Variants in ENOSF1 observed in about 807,000 individuals in gnomAD.
The protein encoded by ENOSF1 is enolase superfamily member 1.
Under a neutral mutation model 68.2 loss-of-function variants are expected in ENOSF1, and 73 were observed. The observed-to-expected ratio is 1.07, with a 90% confidence interval of 0.89 to 1.30. ENOSF1 has a LOEUF of 1.30. ENOSF1 is among the 50% of genes most tolerant of loss of function. The pLI is 0.00. For missense variants in ENOSF1, 589 were observed against 554.5 expected, an observed-to-expected ratio of 1.06 and a Z score of -0.62; for synonymous variants, 223 against 210.4, an observed-to-expected ratio of 1.06 and a Z score of -0.52.
chr18:691,890 T>C (rs2847332), intron 5 of ENOSF1: 53,656 of 150,474 alleles, frequency 0.36, 9,794 homozygotes, highest in Admixed American at 0.38. Flanking sequence ...AGGAGCTCAG[T>C]GGGGAGATGA....
chr18:693,489 A>G (rs1598695036), intron 5 of ENOSF1: 2 of 985,328 alleles, frequency 2.0e-6, no homozygotes. Context: ...TAATATCTTC[A>G]TAATATTATA....
At chr18:683,095 C>A (rs1192674754) in intron 11 of ENOSF1, 151 bp downstream of exon 11, 1 of 896,924 alleles carries the variant, frequency 1.1e-6, no homozygotes, top group Non-Finnish European at 1.7e-6. Context: ...GGTCTGTAAC[C>A]CCTGTATTTG....
rs138054160 is a variant in ENOSF1 at position 676,116 on chromosome 18, G to C, written c.1149-714C>G. Among the ~76,000 whole-genome samples, 59 of 152,356 alleles carry C rather than the reference G, an allele frequency of 3.9e-4. No individual in the cohort carries two copies. The East Asian group carries it at 5.0e-3, about 13-fold the overall frequency. ...ATACAAATGATTTAGATGAAGAGCA[G>C]AGGATTTAGAATCAGGTCAATCTGT... On this transcript the variant is annotated intron_variant, in intron 14 of 15. Coordinates refer to ENST00000647584, the MANE Select transcript of ENOSF1 (RefSeq NM_017512.7).
intron 1 of ENOSF1, chr18:712,215 G>A: frequency 1.4e-6 from 2 of 1,461,664 alleles, no homozygotes; most frequent in Non-Finnish European, 1.8e-6. Flanking sequence ...TTATACAATT[G>A]CTCCAAGGCA....
intron 1 of ENOSF1, among the ~76,000 whole-genome samples, chr18:710,978 G>A (rs900274267): frequency 1.3e-5 from 2 of 152,146 alleles, no homozygotes; most frequent in African/African-American, 2.4e-5. Context: ...AGATTTTAAA[G>A]AGGATGACAG....
chr18:690,936 GAA>G, intron 7 of ENOSF1, 130 bp downstream of exon 7: 1 of 1,224,368 alleles, frequency 8.2e-7, no homozygotes, highest in African/African-American at 1.5e-5. Context: ...ATGCAGACTT[GAA>G]TGTTGATTTG....
At position 673,193 on chromosome 18, in the gene ENOSF1, T is replaced by TGA; in HGVS notation, c.*1110_*1111dup. ...CAGTTCTTTCCATAATAAAAGGCTTTGAGTTAACTCACTGAGGGTATCTGA... is the reference window on the plus strand; with the variant it reads ...CAGTTCTTTCCATAATAAAAGGCTTTGAGAGTTAACTCACTGAGGGTATCTGA... On this transcript the variant is annotated 3_prime_UTR_variant, in exon 16 of 16. Transcript: ENST00000647584. The TGA allele has an allele frequency of 2.0e-6, 1 of 491,824 alleles. No individual in the cohort carries two copies. The highest frequency in any genetic ancestry group is 3.4e-6 in the Non-Finnish European group (1 of 292,426). The allele number at this position is 491,824 out of a possible 1,614,324, so 30.5% of individuals were successfully genotyped here. A position where few individuals can be genotyped will look rare whatever the true frequency, so the allele number is the denominator to read the frequency against.
At chr18:690,804 C>G in intron 7 of ENOSF1, 173 bp from the exon 8 acceptor site, 2 of 1,470,630 alleles carry the variant, frequency 1.4e-6, no homozygotes, top group Non-Finnish European at 1.8e-6. Context: ...GATCAGGATA[C>G]TCTCACGGAC....
In ENOSF1 at chr18:671,066, A is replaced by C; in HGVS notation, c.*3239T>G. On this transcript the variant is annotated 3_prime_UTR_variant, in exon 16 of 16. Coordinates refer to ENST00000647584, the MANE Select transcript of ENOSF1 (RefSeq NM_017512.7). Reference sequence around the variant, plus strand: ...CTGGCCCTGTGGTATACGCACTAACAGATCTATACAGGTTGTTTGTGATAC... The same window carrying C: ...CTGGCCCTGTGGTATACGCACTAACCGATCTATACAGGTTGTTTGTGATAC... The C allele has an allele frequency of 3.1e-6, 2 of 640,620 alleles. No individual in the cohort carries two copies. Among genetic ancestry groups the C allele is most frequent in the Non-Finnish European group, 5.3e-6 (2 of 376,366 alleles). The allele number at this position is 640,620 out of a possible 1,614,324, so 39.7% of individuals were successfully genotyped here.
At chr18:676,460 ACT>A (rs1401789193) in intron 14 of ENOSF1, among the ~76,000 whole-genome samples, 4 of 151,130 alleles carry the variant, frequency 2.6e-5, no homozygotes, top group African/African-American at 9.7e-5. Context: ...TTCCCCCCTC[ACT>A]CTCTCTTCCT....
intron 10 of ENOSF1, among the ~76,000 whole-genome samples, chr18:684,381 A>G (rs1026510103): frequency 1.3e-5 from 2 of 151,976 alleles, no homozygotes; most frequent in African/African-American, 4.8e-5. Context: ...TACAAAAATT[A>G]GCTGGGTGTG....
At chr18:701,833 T>C (rs1242562138) in intron 2 of ENOSF1, among the ~76,000 whole-genome samples, 2 of 151,408 alleles carry the variant, frequency 1.3e-5, no homozygotes, top group South Asian at 2.1e-4. Context: ...GGCAGGAGAA[T>C]TGCTTGAACC....
chr18:706,082 G>A (rs2078901791), intron 2 of ENOSF1, among the ~76,000 whole-genome samples: 1 of 151,942 alleles, frequency 6.6e-6, no homozygotes, highest in African/African-American at 2.4e-5. Flanking sequence ...TTTTTGCTAT[G>A]GGAACTCATG....
intron 7 of ENOSF1, 95 bp downstream of exon 7, chr18:690,973 C>G: frequency 7.1e-7 from 1 of 1,404,848 alleles, no homozygotes. Flanking sequence ...CAGCACAGGG[C>G]ATTTGGGAAG....
intron 2 of ENOSF1, among the ~76,000 whole-genome samples, chr18:704,022 C>T (rs2078655892): frequency 6.6e-6 from 1 of 152,134 alleles, no homozygotes; most frequent in South Asian, 2.1e-4. Context: ...GTCCTGAAGC[C>T]TCCCTAGAAG....
At chr18:679,384 T>C (rs923991277) in intron 11 of ENOSF1, among the ~76,000 whole-genome samples, 1 of 151,792 alleles carries the variant, frequency 6.6e-6, no homozygotes, top group African/African-American at 2.4e-5. Context: ...AATTTTTGTA[T>C]TTTTAATAGA....
intron 2 of ENOSF1, among the ~76,000 whole-genome samples, chr18:702,228 C>T (rs576704317): frequency 7.4e-6 from 1 of 135,918 alleles, no homozygotes; most frequent in Non-Finnish European, 1.5e-5. Flanking sequence ...TGTGCTACTG[C>T]ACTCCAGCCT....
At chr18:686,295 A>G (rs1331109700) in intron 9 of ENOSF1, 2 of 361,884 alleles carry the variant, frequency 5.5e-6, no homozygotes, top group Non-Finnish European at 1.0e-5. Context: ...TTGCCGGGCC[A>G]TGAAAAGGAA....
At chr18:699,684 G>A (rs550508268) in intron 2 of ENOSF1, among the ~76,000 whole-genome samples, 7 of 152,292 alleles carry the variant, frequency 4.6e-5, no homozygotes, top group Middle Eastern at 3.4e-3. Context: ...AATTTGTTTG[G>A]TGCTGCCGTG....
Sources: allele counts gnomAD v4.1 joint callset (sites outside exome capture counted in the v4.1 genomes callset), GRCh38; gene constraint gnomAD v4.1.1; transcripts MANE v1.5; gene names NCBI Gene and HGNC (gene_info 2026-07-23, HGNC 2026-07-21).